Variants in CR1L observed in about 807,000 individuals in gnomAD.
CR1L encodes complement component receptor 1-like protein.
CR1L carries 59 observed loss-of-function variants against 62.3 expected under a neutral mutation model. That is an observed-to-expected ratio of 0.95 (90% CI 0.77 to 1.18). The LOEUF (loss-of-function observed/expected upper bound fraction) is 1.18. Among genes scored for constraint, CR1L ranks in the 50% most tolerant of loss-of-function variants. The pLI is 0.00. For missense variants in CR1L, 700 were observed against 702.8 expected (o/e 1.00, Z 0.04); for synonymous variants, 279 against 248.7 (o/e 1.12, Z -1.15).
Position 207,674,893 on chromosome 1 carries a change from G to A in CR1L, c.98-2496G>A, listed in dbSNP as rs1276630008. On this transcript the variant is annotated intron_variant, in intron 1 of 11. Transcript: ENST00000508064. ...TTTTTTTTATACAGTGGTTCTCAAA[G>A]TGCTGTTATCTATCCAAATCAGCTG... Among the ~76,000 whole-genome samples the A allele has an allele frequency of 2.0e-5, 3 of 151,346 alleles. 1 individual carries two copies. Among genetic ancestry groups the A allele is most frequent in the African/African-American group, 7.3e-5 (3 of 41,292 alleles).
intron 4 of CR1L, among the ~76,000 whole-genome samples, chr1:207,692,228 A>G (rs1458169231): frequency 1.3e-5 from 2 of 152,258 alleles, no homozygotes; most frequent in African/African-American, 4.8e-5. Context: ...TACATATGTT[A>G]TATATTTCAA....
rs142183756 is a variant in CR1L at position 207,686,940 on chromosome 1, G to C, written c.463+2983G>C. Among the ~76,000 whole-genome samples, 263 of 152,312 alleles carry C rather than the reference G, an allele frequency of 1.7e-3. 2 individuals are homozygous for C. The highest frequency in any genetic ancestry group is 4.3e-3 in the African/African-American group (178 of 41,574). ...GAAGAAATGCTGAATCTGCCAGAGAGGTTGGTCCTGAACTCCTTAGCCTCC... is the reference window on the plus strand; with the variant it reads ...GAAGAAATGCTGAATCTGCCAGAGACGTTGGTCCTGAACTCCTTAGCCTCC... On this transcript the variant is annotated intron_variant, in intron 4 of 11. Transcript: ENST00000508064.
chr1:207,688,865 T>A (rs1388616341), intron 4 of CR1L, among the ~76,000 whole-genome samples: 1 of 152,156 alleles, frequency 6.6e-6, no homozygotes, highest in African/African-American at 2.4e-5. Context: ...ATGCACTGGT[T>A]TCACCTCAGC....
intron 3 of CR1L, among the ~76,000 whole-genome samples, chr1:207,680,411 A>G (rs1663777215): frequency 6.6e-6 from 1 of 152,222 alleles, no homozygotes; most frequent in South Asian, 2.1e-4. Context: ...CTGTCTCAAT[A>G]TCTTGAGTTT....
At chr1:207,713,101 G>A (rs367723034) in intron 10 of CR1L, among the ~76,000 whole-genome samples, 3 of 152,150 alleles carry the variant, frequency 2.0e-5, no homozygotes, top group South Asian at 4.1e-4. Flanking sequence ...AAGTGGCACC[G>A]CCTTCAGAAA....
chr1:207,671,600 G>T (rs537426591), intron 1 of CR1L, among the ~76,000 whole-genome samples: 1 of 150,964 alleles, frequency 6.6e-6, no homozygotes. Context: ...CAGTAAGGAA[G>T]AGTGAATTGC....
At chr1:207,693,486 G>C (rs1366426657) in intron 4 of CR1L, among the ~76,000 whole-genome samples, 2 of 152,156 alleles carry the variant, frequency 1.3e-5, no homozygotes, top group African/African-American at 4.8e-5. Flanking sequence ...TTCTTCAAAT[G>C]TTGTTTATGT....
intron 10 of CR1L, among the ~76,000 whole-genome samples, chr1:207,713,083 T>A (rs1303094957): frequency 1.3e-5 from 2 of 152,082 alleles, no homozygotes; most frequent in Non-Finnish European, 2.9e-5. Context: ...GAAATAAGGG[T>A]AGGGACTAAG....
At position 207,677,415 on chromosome 1, in the gene CR1L, C is replaced by T. The variant is rs574438364; in HGVS notation, c.124C>T (p.Pro42Ser). 3.1e-6 allele frequency: 5 copies of T among 1,612,004 alleles called. No homozygotes were observed. The African/African-American group carries it at 6.7e-5, about 22-fold the overall frequency. Reference sequence around the variant, plus strand: ...TCAATGCAATGTCCCGGAATGGCTTCCATTTGCCAGGCCTACCAACCTAAC... The same window carrying T: ...TCAATGCAATGTCCCGGAATGGCTTTCATTTGCCAGGCCTACCAACCTAAC... ...SDQCNVPEWLPFARPTNLTDD... is the reference protein window; with the variant it reads ...SDQCNVPEWLSFARPTNLTDD... The change falls in exon 2 of 12, where the codon CCA becomes TCA. Residue 42 changes from proline (P) to serine (S), a missense_variant. Physicochemically the swap from Pro to Ser is moderately conservative, Grantham distance 74. Coordinates refer to ENST00000508064, the MANE Select transcript of CR1L (RefSeq NM_175710.2).
chr1:207,661,516 C>T (rs10779351), intron 1 of CR1L, among the ~76,000 whole-genome samples: 61,723 of 151,720 alleles, frequency 0.41, 12,828 homozygotes, highest in African/African-American at 0.48. Flanking sequence ...TCCTCCATCC[C>T]TTTATTTTGA....
chr1:207,645,491 G>T (rs1358273521), intron 1 of CR1L, among the ~76,000 whole-genome samples, 161 bp downstream of exon 1: 2 of 152,208 alleles, frequency 1.3e-5, no homozygotes, highest in African/African-American at 4.8e-5. Flanking sequence ...GATCCCGGGG[G>T]TATGTGGCGG....
In CR1L at chr1:207,694,842, G is replaced by A. The variant is rs1207619738; in HGVS notation, c.862+91G>A. The A allele has an allele frequency of 5.0e-6, 8 of 1,595,414 alleles. No homozygotes were observed. The African/African-American group carries it at 9.4e-5, about 19-fold the overall frequency. On this transcript the variant is annotated intron_variant, in intron 5 of 11. Coordinates refer to ENST00000508064, the MANE Select transcript of CR1L (RefSeq NM_175710.2). ...AGTATTTGTTCAGGGGGAGGGATTT[G>A]TGCTGAGCAGGGTCGAGAAGCAAAT...
chr1:207,714,124 T>G (rs1180923005), intron 10 of CR1L, among the ~76,000 whole-genome samples: 1 of 152,186 alleles, frequency 6.6e-6, no homozygotes, highest in Non-Finnish European at 1.5e-5. Context: ...AGAGTTTTAT[T>G]GAGTGACAAA....
intron 1 of CR1L, among the ~76,000 whole-genome samples, chr1:207,663,721 C>T (rs1339243340): frequency 1.3e-5 from 2 of 151,736 alleles, no homozygotes; most frequent in East Asian, 3.9e-4. Flanking sequence ...CTGTGTCGCT[C>T]ACACTGGGAG....
chr1:207,668,656 G>C (rs1663560300), intron 1 of CR1L, among the ~76,000 whole-genome samples: 1 of 150,858 alleles, frequency 6.6e-6, no homozygotes, highest in Admixed American at 6.6e-5. Context: ...CTAATCCTGG[G>C]GCTAACTCTT....
At chr1:207,710,074 A>G (rs1664328849) in intron 10 of CR1L, among the ~76,000 whole-genome samples, 1 of 152,038 alleles carries the variant, frequency 6.6e-6, no homozygotes, top group South Asian at 2.1e-4. Context: ...GCCGGGCACG[A>G]TGGCTCACGC....
intron 11 of CR1L, 141 bp downstream of exon 11, chr1:207,717,832 T>C: frequency 4.8e-6 from 5 of 1,036,180 alleles, no homozygotes; most frequent in East Asian, 2.6e-5. Context: ...CCCAAGTGAA[T>C]GACAAATGGG....
rs1020065687 is a variant in CR1L, at chr1:207,710,864, G to A, written c.1414+2601G>A. The stretch of plus-strand genomic sequence containing the variant: ...ATCAGGAGATGAGTATTTGTTTAGG[G>A]GGAGGGATGTATGTTGAGGAGGGTG... On this transcript the variant is annotated intron_variant, in intron 10 of 11. Coordinates refer to ENST00000508064, the MANE Select transcript of CR1L (RefSeq NM_175710.2). 4 of 1,334,118 alleles carry A rather than the reference G, an allele frequency of 3.0e-6. No homozygotes were observed. The African/African-American group carries it at 4.4e-5, about 15-fold the overall frequency. 82.6% of individuals were successfully genotyped at this position (1,334,118 alleles called of 1,614,324 possible).
At chr1:207,690,194 G>T (rs1663976460) in intron 4 of CR1L, among the ~76,000 whole-genome samples, 1 of 151,796 alleles carries the variant, frequency 6.6e-6, no homozygotes. Context: ...TAGATAATTT[G>T]TTTTCAACCT....
Sources: allele counts gnomAD v4.1 joint callset (sites outside exome capture counted in the v4.1 genomes callset), GRCh38; gene constraint gnomAD v4.1.1; transcripts MANE v1.5; gene names NCBI Gene and HGNC (gene_info 2026-07-23, HGNC 2026-07-21).